ZNF33B: variants seen among roughly 807,000 people sequenced by gnomAD.
The protein encoded by ZNF33B is zinc finger protein 11b (KOX 2).
In ZNF33B, 29 loss-of-function variants were observed where a neutral mutation model predicts 45.8. That is an observed-to-expected ratio of 0.63 (90% CI 0.47 to 0.86). ZNF33B has a LOEUF of 0.86. ZNF33B is among the 40% of genes least tolerant of loss of function. The pLI, the probability that ZNF33B is intolerant of heterozygous loss-of-function variation, is 0.00. For synonymous variants in ZNF33B, 305 were observed against 307.8 expected (o/e 0.99, Z 0.10); for missense variants, 831 against 909.9 (o/e 0.91, Z 1.12).
At chr10:42,611,906 T>C (rs1279967596) in intron 4 of ZNF33B, among the ~76,000 whole-genome samples, 1 of 152,238 alleles carries the variant, frequency 6.6e-6, no homozygotes, top group African/African-American at 2.4e-5. Flanking sequence ...CAGAAAGTTT[T>C]ATTTCTTCCT....
intron 4 of ZNF33B, among the ~76,000 whole-genome samples, chr10:42,599,266 T>G (rs1419481809): frequency 2.0e-5 from 3 of 152,134 alleles, no homozygotes; most frequent in African/African-American, 7.2e-5. Flanking sequence ...GTTTCACCGA[T>G]TTTCTCAACT....
intron 1 of ZNF33B, among the ~76,000 whole-genome samples, chr10:42,638,263 A>C (rs1178837927): frequency 6.6e-6 from 1 of 152,258 alleles, no homozygotes; most frequent in Non-Finnish European, 1.5e-5. Flanking sequence ...CAAACAGGGC[A>C]ACGCACAGGG....
At chr10:42,598,610 T>C (rs930266223) in intron 4 of ZNF33B, among the ~76,000 whole-genome samples, 11 of 152,190 alleles carry the variant, frequency 7.2e-5, no homozygotes, top group African/African-American at 2.7e-4. Context: ...GGGCATTAAG[T>C]GAAGTACAGG....
At chr10:42,597,400 A>G (rs1462783895) in intron 4 of ZNF33B, among the ~76,000 whole-genome samples, 1 of 152,104 alleles carries the variant, frequency 6.6e-6, no homozygotes, top group African/African-American at 2.4e-5. Flanking sequence ...AAATCACAAA[A>G]AACAGTTTTG....
intron 4 of ZNF33B, among the ~76,000 whole-genome samples, chr10:42,626,105 G>A (rs1037328233): frequency 6.6e-6 from 1 of 152,152 alleles, no homozygotes; most frequent in Admixed American, 6.5e-5. Flanking sequence ...ACTGCATTTT[G>A]TCAAATGCTT....
In ZNF33B at chr10:42,591,479, T is replaced by C. The variant is rs918793410; in HGVS notation, c.*1134A>G. ...TTTATAACTTTTAAATGGATAAACA[T>C]TAGCTCTGTGGGTCTCTATTTAAAT... On this transcript the variant is annotated 3_prime_UTR_variant, in exon 5 of 5. Coordinates refer to ENST00000359467, the MANE Select transcript of ZNF33B (RefSeq NM_006955.3). 2 of 286,340 alleles carry C rather than the reference T, an allele frequency of 7.0e-6. No individual in the cohort carries two copies. Among genetic ancestry groups the C allele is most frequent in the Admixed American group, 6.5e-5 (1 of 15,434 alleles). 17.7% of individuals were successfully genotyped at this position (286,340 alleles called of 1,614,324 possible).
intron 1 of ZNF33B, among the ~76,000 whole-genome samples, chr10:42,577,503 A>C (rs1447366314): frequency 6.6e-6 from 1 of 152,202 alleles, no homozygotes; most frequent in African/African-American, 2.4e-5. Context: ...TGTCACTTGC[A>C]TCCCCTTCCT....
intron 4 of ZNF33B, among the ~76,000 whole-genome samples, chr10:42,623,391 G>C (rs1838674987): frequency 6.6e-6 from 1 of 152,166 alleles, no homozygotes; most frequent in Non-Finnish European, 1.5e-5. Context: ...ATGAAAACAG[G>C]AACTTTGAGC....
chr10:42,575,739 T>A (rs911910500), intron 1 of ZNF33B, among the ~76,000 whole-genome samples: 23 of 148,938 alleles, frequency 1.5e-4, no homozygotes, highest in African/African-American at 4.7e-4. Flanking sequence ...CATATATATT[T>A]TTTTTTTTTG....
chr10:42,631,772 G>A (rs1225128457), intron 4 of ZNF33B, 157 bp downstream of exon 4: 10 of 652,996 alleles, frequency 1.5e-5, no homozygotes, highest in Admixed American at 7.4e-5. Flanking sequence ...AGTATCTGGA[G>A]GTTTGATTTA....
chr10:42,619,803 A>G (rs996172013), intron 4 of ZNF33B, among the ~76,000 whole-genome samples: 1 of 152,220 alleles, frequency 6.6e-6, no homozygotes, highest in Non-Finnish European at 1.5e-5. Flanking sequence ...TTTAAACTAG[A>G]TTGTCATGAA....
At chr10:42,598,638 T>C (rs1837495588) in intron 4 of ZNF33B, among the ~76,000 whole-genome samples, 2 of 152,140 alleles carry the variant, frequency 1.3e-5, no homozygotes, top group Admixed American at 1.3e-4. Flanking sequence ...CTTACAAGAG[T>C]GTAGCAACGT....
chr10:42,604,846 A>G (rs553575797), intron 4 of ZNF33B, among the ~76,000 whole-genome samples: 1 of 151,912 alleles, frequency 6.6e-6, no homozygotes, highest in East Asian at 1.9e-4. Flanking sequence ...GCTTGACCCC[A>G]TGAGGCAGAG....
intron 4 of ZNF33B, among the ~76,000 whole-genome samples, chr10:42,629,726 T>C (rs1017988382): frequency 6.6e-6 from 1 of 152,234 alleles, no homozygotes; most frequent in African/African-American, 2.4e-5. Flanking sequence ...TTTTCTGTTT[T>C]CTATTCATCT....
At chr10:42,625,478 T>C (rs1332703901) in intron 4 of ZNF33B, among the ~76,000 whole-genome samples, 2 of 151,910 alleles carry the variant, frequency 1.3e-5, no homozygotes, top group Non-Finnish European at 2.9e-5. Context: ...TTTGTTTTCT[T>C]TTCTTTTTTT....
chr10:42,575,733 T>TAC (rs1345788046), intron 1 of ZNF33B, among the ~76,000 whole-genome samples: 18 of 143,110 alleles, frequency 1.3e-4, no homozygotes, highest in Admixed American at 2.9e-4. Context: ...TATATACATA[T>TAC]ATATTTTTTT....
chr10:42,623,334 TAC>T (rs1224201424), intron 4 of ZNF33B, among the ~76,000 whole-genome samples: 1 of 152,060 alleles, frequency 6.6e-6, no homozygotes, highest in African/African-American at 2.4e-5. Flanking sequence ...CTAAAAGAAA[TAC>T]ACTTTGATAA....
chr10:42,597,550 T>A (rs1482688499), intron 4 of ZNF33B, among the ~76,000 whole-genome samples: 2 of 152,170 alleles, frequency 1.3e-5, no homozygotes, highest in South Asian at 2.1e-4. Context: ...CAACTTCATT[T>A]TCAATATATA....
chr10:42,598,308 G>A (rs944392531), intron 4 of ZNF33B, among the ~76,000 whole-genome samples: 9 of 152,230 alleles, frequency 5.9e-5, no homozygotes, highest in African/African-American at 2.2e-4. Flanking sequence ...ATGGCAGAGG[G>A]ACAGACTTAG....
Sources: gnomAD v4.1 joint callset for allele counts (sites outside exome capture counted in the v4.1 genomes callset) on GRCh38, gnomAD v4.1.1 for gene constraint, MANE v1.5 for transcripts, NCBI Gene and HGNC (gene_info 2026-07-23, HGNC 2026-07-21) for gene names.